Variants in KCNIP3 observed in about 807,000 individuals in gnomAD.
The protein encoded by KCNIP3 is calsenilin.
In KCNIP3, 28 loss-of-function variants were observed where a neutral mutation model predicts 35.0. The observed-to-expected ratio is 0.80, with a 90% CI of 0.59 to 1.10. KCNIP3 has a LOEUF of 1.10. KCNIP3 is among the 50% of genes least tolerant of loss of function. The probability of loss-of-function intolerance (pLI) is 0.00; values close to 1 mark genes in which losing one functional copy is unlikely to be tolerated. For missense variants in KCNIP3, 295 were observed against 338.4 expected, an observed-to-expected ratio of 0.87 and a Z score of 1.01; for synonymous variants, 134 against 133.8, an observed-to-expected ratio of 1.00 and a Z score of -0.01.
At chr2:95,299,716 G>T in intron 1 of KCNIP3, among the ~76,000 whole-genome samples, 1 of 152,244 alleles carries the variant, frequency 6.6e-6, no homozygotes, top group East Asian at 1.9e-4. Flanking sequence ...AACCCCTTTT[G>T]CCTGGCTTCC....
At chr2:95,317,236 G>A (rs867680687) in intron 2 of KCNIP3, among the ~76,000 whole-genome samples, 2 of 152,214 alleles carry the variant, frequency 1.3e-5, no homozygotes, top group Admixed American at 6.5e-5. Context: ...CCTGGGGCCC[G>A]GGTGAGGCCC....
chr2:95,359,489 C>T (rs559702334), intron 2 of KCNIP3, among the ~76,000 whole-genome samples: 2 of 152,358 alleles, frequency 1.3e-5, no homozygotes, highest in Non-Finnish European at 2.9e-5. Flanking sequence ...CACCCCCACC[C>T]CCATGGCTTT....
intron 2 of KCNIP3, among the ~76,000 whole-genome samples, chr2:95,358,027 T>G (rs553077160): frequency 6.6e-6 from 1 of 152,192 alleles, no homozygotes; most frequent in Non-Finnish European, 1.5e-5. Flanking sequence ...GAATGGAGTG[T>G]GTTCAGGAGG....
intron 2 of KCNIP3, among the ~76,000 whole-genome samples, chr2:95,317,883 G>A (rs1678497799): frequency 6.6e-6 from 1 of 152,174 alleles, no homozygotes; most frequent in Non-Finnish European, 1.5e-5. Context: ...CTGCAGGAGT[G>A]CCAGCATGGC....
At chr2:95,338,695 G>T (rs1162039325) in intron 2 of KCNIP3, among the ~76,000 whole-genome samples, 1 of 152,180 alleles carries the variant, frequency 6.6e-6, no homozygotes, top group Non-Finnish European at 1.5e-5. Flanking sequence ...AACAAGATAA[G>T]GAGTCTACTC....
intron 5 of KCNIP3, 25 bp from the exon 6 acceptor site, chr2:95,381,571 G>A (rs773077818): frequency 4.0e-5 from 62 of 1,546,680 alleles, no homozygotes; most frequent in Middle Eastern, 3.4e-4. Context: ...TGGATGTCAC[G>A]CCCCACACTC....
chr2:95,351,088 C>T (rs1679507785), intron 2 of KCNIP3, among the ~76,000 whole-genome samples: 1 of 152,252 alleles, frequency 6.6e-6, no homozygotes, highest in Non-Finnish European at 1.5e-5. Context: ...CTGCCCCAAA[C>T]CTGCGGGCTC....
At chr2:95,319,351 G>A (rs1382306507) in intron 2 of KCNIP3, among the ~76,000 whole-genome samples, 1 of 152,188 alleles carries the variant, frequency 6.6e-6, no homozygotes, top group Non-Finnish European at 1.5e-5. Flanking sequence ...GGGGAATGCT[G>A]TGGCTACATG....
intron 2 of KCNIP3, chr2:95,311,237 A>C (rs1193637528): frequency 6.5e-6 from 1 of 154,896 alleles, no homozygotes; most frequent in Non-Finnish European, 1.4e-5. Context: ...CCTCTACCAC[A>C]CACAAGCTTG....
chr2:95,383,255 G>A lies in KCNIP3; in HGVS notation c.684G>A (p.Gly228=). 8 of 1,613,908 alleles carry A rather than the reference G, an allele frequency of 5.0e-6. No individual in the cohort carries two copies. The highest frequency in any genetic ancestry group is 6.8e-6 in the Non-Finnish European group (8 of 1,179,920). ...FFEKMDRNQD[G]VVTIEEFLEA... is the part of the protein sequence containing the mutation. Reference sequence around the variant, plus strand: ...AGAAAATGGACCGGAACCAGGATGGGGTAGTGACCATTGAAGAGTTCCTGG... The same window carrying A: ...AGAAAATGGACCGGAACCAGGATGGAGTAGTGACCATTGAAGAGTTCCTGG... The change falls in exon 8 of 9, where the codon GGG becomes GGA. Residue 228 remains glycine, a synonymous_variant. Transcript: ENST00000295225.
At chr2:95,331,277 G>A (rs1011014522) in intron 2 of KCNIP3, among the ~76,000 whole-genome samples, 11 of 152,194 alleles carry the variant, frequency 7.2e-5, no homozygotes, top group Non-Finnish European at 1.5e-4. Context: ...GCGTGAGAAC[G>A]AGAGGAGTCA....
At chr2:95,379,118 G>A (rs1680275495) in intron 5 of KCNIP3, among the ~76,000 whole-genome samples, 1 of 151,692 alleles carries the variant, frequency 6.6e-6, no homozygotes, top group Non-Finnish European at 1.5e-5. Flanking sequence ...CAACGTTCCC[G>A]TCCCCCCAGC....
chr2:95,329,597 T>G (rs1488818167), intron 2 of KCNIP3, among the ~76,000 whole-genome samples: 1 of 152,146 alleles, frequency 6.6e-6, no homozygotes, highest in Non-Finnish European at 1.5e-5. Flanking sequence ...CCGCTGGGGC[T>G]CCATCACCGC....
intron 2 of KCNIP3, among the ~76,000 whole-genome samples, chr2:95,324,161 C>T (rs539084100): frequency 6.6e-6 from 1 of 152,328 alleles, no homozygotes; most frequent in Admixed American, 6.5e-5. Context: ...TAAACGGATT[C>T]CCTGACACAG....
intron 1 of KCNIP3, among the ~76,000 whole-genome samples, chr2:95,299,607 C>T (rs1185215305): frequency 1.3e-5 from 2 of 152,240 alleles, no homozygotes; most frequent in Non-Finnish European, 2.9e-5. Context: ...CCCATGAGCT[C>T]TTAGGAGAAA....
intron 2 of KCNIP3, among the ~76,000 whole-genome samples, chr2:95,326,986 C>T (rs1678811401): frequency 3.3e-5 from 5 of 152,222 alleles, no homozygotes; most frequent in Admixed American, 2.0e-4. Context: ...AGAAGACTTG[C>T]TCCCTCTTAT....
At chr2:95,312,601 G>A (rs1007547170) in intron 2 of KCNIP3, 3 of 152,354 alleles carry the variant, frequency 2.0e-5, no homozygotes, top group African/African-American at 7.2e-5. Context: ...GGGAGCAGAT[G>A]TGAACGACAC....
chr2:95,333,670 A>G (rs888703803), intron 2 of KCNIP3, among the ~76,000 whole-genome samples: 1 of 152,228 alleles, frequency 6.6e-6, no homozygotes, highest in Non-Finnish European at 1.5e-5. Flanking sequence ...ATACTATGTC[A>G]GTGAGTGCCT....
intron 2 of KCNIP3, among the ~76,000 whole-genome samples, chr2:95,346,036 C>G (rs1184314408): frequency 6.6e-6 from 1 of 152,246 alleles, no homozygotes; most frequent in Non-Finnish European, 1.5e-5. Flanking sequence ...AAGCTCTGTT[C>G]CGCAGACGCC....
Sources: allele counts gnomAD v4.1 joint callset (sites outside exome capture counted in the v4.1 genomes callset), GRCh38; gene constraint gnomAD v4.1.1; transcripts MANE v1.5; gene names NCBI Gene and HGNC (gene_info 2026-07-23, HGNC 2026-07-21).